Variants in PPP2R1B observed in about 807,000 individuals in gnomAD.
PPP2R1B encodes the protein protein phosphatase 2 scaffold subunit Abeta, also known as serine/threonine-protein phosphatase 2A 65 kDa regulatory subunit A beta isoform.
In PPP2R1B, 58 loss-of-function variants were observed where a neutral mutation model predicts 72.7. The observed-to-expected ratio is 0.80, with a 90% CI of 0.65 to 0.99. The LOEUF is 0.99. PPP2R1B is among the 50% of genes least tolerant of loss of function. The pLI is 0.00. For missense variants in PPP2R1B, 695 were observed against 733.6 expected (o/e 0.95, Z 0.61); for synonymous variants, 256 against 264.6 (o/e 0.97, Z 0.32).
chr11:111,757,244 G>A (rs1176154301), intron 5 of PPP2R1B, among the ~76,000 whole-genome samples: 1 of 152,086 alleles, frequency 6.6e-6, no homozygotes, highest in Admixed American at 6.5e-5. Flanking sequence ...GGAGAAATAG[G>A]TAAAAAATTT....
intron 11 of PPP2R1B, among the ~76,000 whole-genome samples, chr11:111,744,544 A>G (rs989786547): frequency 2.6e-5 from 4 of 152,340 alleles, no homozygotes; most frequent in South Asian, 2.1e-4. Flanking sequence ...GCACTGAACA[A>G]AAACAAGCCT....
At chr11:111,696,077 T>C in the PPP2R1B span, among the ~76,000 whole-genome samples, 2 of 152,214 alleles carry the variant, frequency 1.3e-5, no homozygotes, top group Admixed American at 6.5e-5. Flanking sequence ...TGAGGCCTAG[T>C]TGATTTTCAT....
At position 111,755,404 on chromosome 11, in the gene PPP2R1B, T is replaced by C; in HGVS notation, c.734A>G (p.Gln245Arg). ...LAVEACVSIA[Q>R]LLSQDDLETL... ...CTCAAGGTCATCCTGAGACAATAACTGGGCAATACTGACACAAGCTTCCAC... is the reference window on the plus strand; with the variant it reads ...CTCAAGGTCATCCTGAGACAATAACCGGGCAATACTGACACAAGCTTCCAC... The change falls in exon 6 of 15, where the codon CAG becomes CGG. Residue 245 changes from glutamine (Q) to arginine (R), a missense_variant. Physicochemically the swap from Gln to Arg is conservative, Grantham distance 43. Transcript: ENST00000527614. The C allele has an allele frequency of 6.2e-7, 1 of 1,612,010 alleles. No homozygotes were observed. Among genetic ancestry groups the C allele is most frequent in the South Asian group, 1.1e-5 (1 of 90,408 alleles).
rs915200768 is a variant in PPP2R1B, at chr11:111,727,012, G to A, written c.1957C>T (p.Gln653Ter). ...TGCACTAGCTCTGCAATTCCCAGCT[G>A]GGCAAGTGTGTCTCTAGTATCTCCA... The change falls in exon 16 of 16, where the codon CAG (glutamine) becomes TAG (stop). Residue 653 changes from glutamine to a stop codon, truncating the protein, a stop_gained. Coordinates refer to the PPP2R1B transcript ENST00000311129. LOFTEE classifies it high-confidence loss of function. 26 of 1,614,048 alleles carry A rather than the reference G, an allele frequency of 1.6e-5. No individual in the cohort carries two copies. The Admixed American group carries it at 2.2e-4, about 13-fold the overall frequency.
the PPP2R1B span, among the ~76,000 whole-genome samples, chr11:111,708,395 T>TA: frequency 5.3e-5 from 8 of 150,856 alleles, no homozygotes; most frequent in Non-Finnish European, 8.9e-5. Flanking sequence ...AAGTAAAACA[T>TA]AAAAAAAAAT....
At chr11:111,752,744 G>T (rs960728694) in intron 9 of PPP2R1B, among the ~76,000 whole-genome samples, 1 of 152,286 alleles carries the variant, frequency 6.6e-6, no homozygotes. Flanking sequence ...GGGAGGCCGA[G>T]ACGGGCAGAT....
At chr11:111,724,630 TG>T (rs1437708214), downstream of PPP2R1B, 1 of 159,090 alleles carries the variant, frequency 6.3e-6, no homozygotes, top group Non-Finnish European at 1.4e-5. Flanking sequence ...AGGAAAGCTG[TG>T]CTTTGTCATT....
intron 11 of PPP2R1B, among the ~76,000 whole-genome samples, chr11:111,744,577 C>A (rs1445384939): frequency 2.6e-5 from 4 of 152,096 alleles, no homozygotes; most frequent in African/African-American, 9.7e-5. Flanking sequence ...CTTTACAGAT[C>A]CAGTAAGACT....
rs1555051294 is a variant in PPP2R1B at position 111,761,103 on chromosome 11, A to T, written c.307-52T>A. 3 of 1,447,920 alleles carry T rather than the reference A, an allele frequency of 2.1e-6. No homozygotes were observed. The South Asian group carries it at 3.5e-5, about 17-fold the overall frequency. 89.7% of individuals were successfully genotyped at this position (1,447,920 alleles called of 1,614,324 possible). ...AGAAGAAAACTTATTGAATCAGGTT[A>T]GAAACAGATAATCACCTTTTAAAGT... On this transcript the variant is annotated intron_variant, in intron 3 of 14. Coordinates refer to ENST00000527614, the MANE Select transcript of PPP2R1B (RefSeq NM_002716.5).
At chr11:111,698,544 C>T in the PPP2R1B span, among the ~76,000 whole-genome samples, 2 of 152,168 alleles carry the variant, frequency 1.3e-5, no homozygotes, top group African/African-American at 2.4e-5. Context: ...GAGTTGGAGA[C>T]CAGCCTGGGA....
At chr11:111,712,295 G>A in the PPP2R1B span, 445 of 1,614,144 alleles carry the variant, frequency 2.8e-4, 3 homozygotes, top group African/African-American at 5.2e-3. Context: ...GGCATCCAAC[G>A]TGGAGGCCTT....
intron 5 of PPP2R1B, among the ~76,000 whole-genome samples, chr11:111,755,833 A>C (rs1945092807): frequency 6.6e-6 from 1 of 151,454 alleles, no homozygotes; most frequent in Non-Finnish European, 1.5e-5. Context: ...CAAATGATCC[A>C]CCTGCCTCGG....
chr11:111,697,402 C>T, the PPP2R1B span, among the ~76,000 whole-genome samples: 1 of 152,152 alleles, frequency 6.6e-6, no homozygotes, highest in East Asian at 1.9e-4. Flanking sequence ...TCCCTGCTCC[C>T]GAGGAACTTA....
the PPP2R1B span, among the ~76,000 whole-genome samples, chr11:111,721,464 C>G: frequency 1.3e-5 from 2 of 152,174 alleles, no homozygotes; most frequent in East Asian, 3.8e-4. Flanking sequence ...GTAAATACTA[C>G]AAGTGGATTA....
At chr11:111,690,264 A>C in the PPP2R1B span, among the ~76,000 whole-genome samples, 9 of 144,548 alleles carry the variant, frequency 6.2e-5, no homozygotes, top group Admixed American at 2.8e-4. Flanking sequence ...TTTTCAGAGA[A>C]GGTCTTTCTT....
At position 111,755,398 on chromosome 11, in the gene PPP2R1B, A is replaced by G; in HGVS notation, c.740T>C (p.Leu247Ser). ...CAAAGTCTCAAGGTCATCCTGAGACAATAACTGGGCAATACTGACACAAGC... is the reference window on the plus strand; with the variant it reads ...CAAAGTCTCAAGGTCATCCTGAGACGATAACTGGGCAATACTGACACAAGC... ...VEACVSIAQLLSQDDLETLVM... is the reference protein window; with the variant it reads ...VEACVSIAQLSSQDDLETLVM... The change falls in exon 6 of 15, where the codon TTG becomes TCG. Residue 247 changes from leucine to serine, a missense_variant. Transcript: ENST00000527614. 14 of 1,613,488 alleles carry G rather than the reference A, an allele frequency of 8.7e-6. No homozygotes were observed. Among genetic ancestry groups the G allele is most frequent in the Non-Finnish European group, 1.2e-5 (14 of 1,179,848 alleles).
the PPP2R1B span, chr11:111,712,316 G>GC: frequency 6.2e-7 from 1 of 1,614,178 alleles, no homozygotes; most frequent in Non-Finnish European, 8.5e-7. Context: ...TTCATTTCCA[G>GC]CATCTGGCTG....
At chr11:111,697,356 T>C in the PPP2R1B span, among the ~76,000 whole-genome samples, 1 of 152,228 alleles carries the variant, frequency 6.6e-6, no homozygotes, top group African/African-American at 2.4e-5. Context: ...GCAGATGATA[T>C]GCTGAGAGCT....
rs771068013 is a variant in PPP2R1B at position 111,740,138 on chromosome 11, G to A, written c.*1458C>T. 57 of 985,216 alleles carry A rather than the reference G, an allele frequency of 5.8e-5. No individual in the cohort carries two copies. The highest frequency in any genetic ancestry group is 6.9e-5 in the Non-Finnish European group (57 of 829,770). 61.0% of individuals were successfully genotyped at this position (985,216 alleles called of 1,614,324 possible). On this transcript the variant is annotated 3_prime_UTR_variant, in exon 15 of 15. Transcript: ENST00000527614. ...GGGTAACAAGCAAACCTCATAGCAAGATGCACTGAGAGAAAAATAAACTAT... is the reference window on the plus strand; with the variant it reads ...GGGTAACAAGCAAACCTCATAGCAAAATGCACTGAGAGAAAAATAAACTAT...
Sources: gnomAD v4.1 joint callset for allele counts (sites outside exome capture counted in the v4.1 genomes callset) on GRCh38, gnomAD v4.1.1 for gene constraint, MANE v1.5 for transcripts, NCBI Gene and HGNC (gene_info 2026-07-23, HGNC 2026-07-21) for gene names.